Variants in ANKS1B observed in about 807,000 individuals in gnomAD.
ANKS1B encodes ankyrin repeat and sterile alpha motif domain containing 1B.
ANKS1B carries 36 observed loss-of-function variants against 148.3 expected under a neutral mutation model. That is an observed-to-expected ratio of 0.24 (90% CI 0.19 to 0.32). The LOEUF (loss-of-function observed/expected upper bound fraction) is 0.32. Among genes scored for constraint, ANKS1B ranks in the 10% least tolerant of loss-of-function variants. The pLI is 1.00. For missense variants in ANKS1B, 1,157 were observed against 1,542.6 expected, an observed-to-expected ratio of 0.75 and a Z score of 4.19; for synonymous variants, 542 against 560.8, an observed-to-expected ratio of 0.97 and a Z score of 0.47.
Position 98,744,717 on chromosome 12 carries a change from A to G in ANKS1B, c.*1022T>C, listed in dbSNP as rs1235395510. 1 of 980,816 alleles carries G rather than the reference A, an allele frequency of 1.0e-6. No individual in the cohort carries two copies. Among genetic ancestry groups the G allele is most frequent in the Non-Finnish European group, 1.2e-6 (1 of 826,330 alleles). 60.8% of individuals were successfully genotyped at this position (980,816 alleles called of 1,614,324 possible). On this transcript the variant is annotated 3_prime_UTR_variant, in exon 27 of 27. Coordinates refer to ENST00000683438, the MANE Select transcript of ANKS1B (RefSeq NM_001352186.2). ...GTATTTATTTTTTCTAGAAAAAGAA[A>G]TTTTTGCAATAGAATTTTATTAACA...
In ANKS1B at chr12:99,136,558, GGA is replaced by G. The variant is rs201079172; in HGVS notation, c.2526+17729_2526+17730del. Among the ~76,000 whole-genome samples, 1,210 of 152,276 alleles carry G rather than the reference GGA, an allele frequency of 7.9e-3. 13 individuals are homozygous for G. The highest frequency in any genetic ancestry group is 0.028 in the African/African-American group (1,165 of 41,546). On this transcript the variant is annotated intron_variant, in intron 15 of 26. Coordinates refer to ENST00000683438, the MANE Select transcript of ANKS1B (RefSeq NM_001352186.2). The stretch of plus-strand genomic sequence containing the variant: ...AACTGTAGTGTGGGTAGAGGAATTA[GGA>G]GAGAGAAGAGATGATAGTATTGACA...
chr12:99,379,498 A>T (rs75616041), intron 12 of ANKS1B, among the ~76,000 whole-genome samples: 4 of 152,242 alleles, frequency 2.6e-5, no homozygotes, highest in South Asian at 2.1e-4. Context: ...CTTAATAATT[A>T]TAGAGATAAT....
intron 1 of ANKS1B, among the ~76,000 whole-genome samples, chr12:99,827,449 T>G (rs1318521345): frequency 6.6e-6 from 1 of 152,038 alleles, no homozygotes; most frequent in Admixed American, 6.6e-5. Flanking sequence ...TGAACAAGTG[T>G]AGAGGTCTAA....
At chr12:99,716,478 T>C (rs1019456214) in intron 8 of ANKS1B, among the ~76,000 whole-genome samples, 1 of 152,076 alleles carries the variant, frequency 6.6e-6, no homozygotes, top group Non-Finnish European at 1.5e-5. Context: ...TAGCCTGTGT[T>C]CTCAAGAACT....
At chr12:99,448,468 T>G (rs2095671971) in intron 10 of ANKS1B, among the ~76,000 whole-genome samples, 1 of 152,014 alleles carries the variant, frequency 6.6e-6, no homozygotes. Context: ...GGACACAAAA[T>G]ATCAATTAGA....
chr12:99,280,282 A>G lies in ANKS1B; in HGVS notation c.1757-33418T>C, dbSNP rs1159564983. ...CTAACATCGAGGAATGCTAGTGAGT[A>G]GACATGCAGCTATATGGTTTGGCAG... On this transcript the variant is annotated intron_variant, in intron 12 of 26. Coordinates refer to ENST00000683438, the MANE Select transcript of ANKS1B (RefSeq NM_001352186.2). Among the ~76,000 whole-genome samples, 7 of 152,272 alleles carry G rather than the reference A, an allele frequency of 4.6e-5. No homozygotes were observed. In the East Asian group the frequency reaches 1.2e-3, roughly 25 times the overall value.
chr12:99,822,101 G>A (rs1226787401), intron 2 of ANKS1B, among the ~76,000 whole-genome samples: 1 of 151,870 alleles, frequency 6.6e-6, no homozygotes, highest in Non-Finnish European at 1.5e-5. Flanking sequence ...ACAGGCTGAT[G>A]GCATTAAATT....
chr12:99,097,263 A>G (rs2056498691), intron 15 of ANKS1B: 1 of 152,158 alleles, frequency 6.6e-6, no homozygotes, highest in African/African-American at 2.4e-5. Context: ...CCCTAATTGA[A>G]AGAAAGATAA....
intron 9 of ANKS1B, among the ~76,000 whole-genome samples, chr12:99,632,380 A>G (rs1372428346): frequency 6.6e-6 from 1 of 151,970 alleles, no homozygotes; most frequent in African/African-American, 2.4e-5. Context: ...AGCAAGAAAA[A>G]GTGGAAATGT....
At chr12:99,162,221 G>C (rs2076723305) in intron 14 of ANKS1B, among the ~76,000 whole-genome samples, 1 of 152,068 alleles carries the variant, frequency 6.6e-6, no homozygotes, top group Admixed American at 6.6e-5. Context: ...TTTCTTTTTA[G>C]AGTGACGAAA....
intron 17 of ANKS1B, among the ~76,000 whole-genome samples, chr12:98,988,697 T>C (rs2099924864): frequency 6.6e-6 from 1 of 152,180 alleles, no homozygotes. Context: ...TCCATGGCTG[T>C]ATTAATTTAC....
At chr12:99,412,447 T>C (rs1347095877) in intron 11 of ANKS1B, among the ~76,000 whole-genome samples, 4 of 152,214 alleles carry the variant, frequency 2.6e-5, no homozygotes, top group Non-Finnish European at 5.9e-5. Context: ...TTGATAACCA[T>C]GCCCTGTTGC....
In ANKS1B at chr12:98,939,260, A is replaced by G. The variant is rs142606951; in HGVS notation, c.2779-107124T>C. ...TCAGAGTGAATATAGCTGGTACATA[A>G]GCATTGTTAATTTGCATCATGGATA... On this transcript the variant is annotated intron_variant, in intron 17 of 26. Transcript: ENST00000683438. Among the ~76,000 whole-genome samples, 561 of 152,346 alleles carry G rather than the reference A, an allele frequency of 3.7e-3. 3 individuals are homozygous for G. Among genetic ancestry groups the G allele is most frequent in the Middle Eastern group, 0.014 (4 of 294 alleles).
chr12:99,653,093 C>G (rs1381799786), intron 9 of ANKS1B, among the ~76,000 whole-genome samples: 1 of 152,002 alleles, frequency 6.6e-6, no homozygotes, highest in Non-Finnish European at 1.5e-5. Context: ...ACTTATTGAA[C>G]AATACCAGTC....
intron 1 of ANKS1B, among the ~76,000 whole-genome samples, chr12:99,844,753 T>G (rs1268322999): frequency 6.6e-6 from 1 of 152,178 alleles, no homozygotes. Context: ...TTTAAAATAG[T>G]TTTTTCTAAT....
chr12:99,585,171 T>C (rs1025541243), intron 9 of ANKS1B, among the ~76,000 whole-genome samples: 9 of 152,096 alleles, frequency 5.9e-5, no homozygotes, highest in Middle Eastern at 3.2e-3. Context: ...ACTTCCTAGA[T>C]ACAATGGAGG....
chr12:99,582,964 G>A (rs2097584992), intron 9 of ANKS1B, among the ~76,000 whole-genome samples: 1 of 151,986 alleles, frequency 6.6e-6, no homozygotes, highest in African/African-American at 2.4e-5. Context: ...TCCCCCTTTG[G>A]TGTACTTATA....
chr12:99,878,010 A>C (rs2092237893), intron 1 of ANKS1B, among the ~76,000 whole-genome samples: 1 of 152,072 alleles, frequency 6.6e-6, no homozygotes, highest in Admixed American at 6.6e-5. Context: ...CAATCAGATC[A>C]CTCCACTGCA....
At chr12:99,168,649 G>C (rs1020210764) in intron 14 of ANKS1B, among the ~76,000 whole-genome samples, 2 of 152,094 alleles carry the variant, frequency 1.3e-5, no homozygotes, top group African/African-American at 4.8e-5. Flanking sequence ...TTTAAACAGA[G>C]ACTCAAAGGT....
Sources: gnomAD v4.1 joint callset for allele counts (sites outside exome capture counted in the v4.1 genomes callset) on GRCh38, gnomAD v4.1.1 for gene constraint, MANE v1.5 for transcripts, NCBI Gene and HGNC (gene_info 2026-07-23, HGNC 2026-07-21) for gene names.